Variants in CENPE observed in about 807,000 individuals in gnomAD.
CENPE encodes centromere protein E.
Under a neutral mutation model 336.1 loss-of-function variants are expected in CENPE, and 145 were observed. The ratio of observed to expected loss-of-function variants is 0.43; its 90% CI spans 0.38 to 0.50. CENPE has a LOEUF of 0.50. Among genes scored for constraint, CENPE ranks in the 20% least tolerant of loss-of-function variants. CENPE has a pLI of 0.00. For missense variants in CENPE, 2,719 were observed against 3,023.3 expected (o/e 0.90, Z 2.36); for synonymous variants, 1,013 against 984.8 (o/e 1.03, Z -0.54).
chr4:103,109,101 G>C lies in CENPE; in HGVS notation c.7725-12C>G, dbSNP rs750112980. On this transcript the variant is annotated splice_polypyrimidine_tract_variant and intron_variant, in intron 47 of 48. Coordinates refer to ENST00000265148, the MANE Select transcript of CENPE (RefSeq NM_001813.3). ...GATGCTGATTATTGCTTAAATGTGGGGGAAGAAAAGAGAGACTGTAAGACT... is the reference window on the plus strand; with the variant it reads ...GATGCTGATTATTGCTTAAATGTGGCGGAAGAAAAGAGAGACTGTAAGACT... 6.3e-7 allele frequency: 1 copy of C among 1,592,590 alleles called. No homozygotes were observed. The highest frequency in any genetic ancestry group is 2.2e-5 in the East Asian group (1 of 44,634).
chr4:103,146,191 A>C (rs1206660055), intron 29 of CENPE, 84 bp from the exon 30 acceptor site: 1 of 1,282,922 alleles, frequency 7.8e-7, no homozygotes, highest in Non-Finnish European at 1.1e-6. Context: ...TTTCTAAAAC[A>C]ATTAAGGCAG....
rs937662475 is a variant in CENPE at position 103,181,376 on chromosome 4, A to G, written c.1044T>C (p.Tyr348=). ...TTTTAAGATCCATTATTTCTTTTCTATACCTTTTCAGGAGAGCTTCATCAG... is the reference window on the plus strand; with the variant it reads ...TTTTAAGATCCATTATTTCTTTTCTGTACCTTTTCAGGAGAGCTTCATCAG... ...VSTDEALLKR[Y]RKEIMDLKKQ... Residue 348 remains tyrosine (Y), a synonymous_variant, in exon 12 of 49, where the codon TAT becomes TAC. Transcript: ENST00000265148. 2 of 1,556,780 alleles carry G rather than the reference A, an allele frequency of 1.3e-6. No individual in the cohort carries two copies. Among genetic ancestry groups the G allele is most frequent in the Middle Eastern group, 1.7e-4 (1 of 5,914 alleles).
intron 16 of CENPE, among the ~76,000 whole-genome samples, chr4:103,164,699 C>A (rs1439296688): frequency 6.6e-6 from 1 of 151,954 alleles, no homozygotes; most frequent in African/African-American, 2.4e-5. Context: ...AAAAAATGAA[C>A]AATTTTACAT....
In CENPE at chr4:103,170,153, G is replaced by C. The variant is rs1165405541; in HGVS notation, c.1647+4583C>G. On this transcript the variant is annotated intron_variant, in intron 16 of 48. Coordinates refer to ENST00000265148, the MANE Select transcript of CENPE (RefSeq NM_001813.3). ...TGTTGGGGATTGGGGGCCTAGGGGA[G>C]GGATGGCATTAGGAGAAATACCTAA... Among the ~76,000 whole-genome samples the C allele has an allele frequency of 2.6e-5, 4 of 152,162 alleles. No individual in the cohort carries two copies. The South Asian group carries it at 8.3e-4, about 32-fold the overall frequency.
At chr4:103,160,829 A>G in intron 20 of CENPE, 50 bp from the exon 21 acceptor site, 2 of 1,452,830 alleles carry the variant, frequency 1.4e-6, no homozygotes, top group Non-Finnish European at 1.9e-6. Flanking sequence ...CCAAACAGGT[A>G]ATTTAATTTT....
At chr4:103,114,915 G>A (rs1749945977) in intron 45 of CENPE, among the ~76,000 whole-genome samples, 1 of 152,196 alleles carries the variant, frequency 6.6e-6, no homozygotes, top group South Asian at 2.1e-4. Context: ...GAAAGAGAAA[G>A]TGCAGCTTTA....
At chr4:103,133,400 G>A (rs1751783200) in intron 41 of CENPE, among the ~76,000 whole-genome samples, 1 of 152,122 alleles carries the variant, frequency 6.6e-6, no homozygotes, top group South Asian at 2.1e-4. Flanking sequence ...TTACATACAT[G>A]TTGGGAATTG....
rs761524653 is a variant in CENPE at position 103,132,657 on chromosome 4, C to T, written c.6924+36G>A. 2.7e-6 allele frequency: 3 copies of T among 1,107,944 alleles called. No individual in the cohort carries two copies. In the South Asian group the frequency reaches 4.9e-5, roughly 18 times the overall value. 68.6% of individuals were successfully genotyped at this position (1,107,944 alleles called of 1,614,324 possible). A position where few individuals can be genotyped will look rare whatever the true frequency, so the allele number is the denominator to read the frequency against. On this transcript the variant is annotated intron_variant, in intron 42 of 48. Coordinates refer to ENST00000265148, the MANE Select transcript of CENPE (RefSeq NM_001813.3). ...GAGGTAGGACAATTAAAGCAAACAG[C>T]AACAAAAAAGTAGTACAGCAAAAAG...
intron 15 of CENPE, 40 bp from the exon 16 acceptor site, chr4:103,174,943 A>G: frequency 8.0e-7 from 1 of 1,244,438 alleles, no homozygotes; most frequent in Non-Finnish European, 1.1e-6. Context: ...CAGAAAATTC[A>G]AATATTTTTT....
At chr4:103,179,330 T>C (rs1756139309) in intron 13 of CENPE, among the ~76,000 whole-genome samples, 1 of 152,216 alleles carries the variant, frequency 6.6e-6, no homozygotes, top group East Asian at 1.9e-4. Context: ...TTCTTTGTTG[T>C]TAGCAAAACA....
chr4:103,192,599 A>G lies in CENPE; in HGVS notation c.693+1630T>C, dbSNP rs189580387. On this transcript the variant is annotated intron_variant, in intron 8 of 48. Coordinates refer to ENST00000265148, the MANE Select transcript of CENPE (RefSeq NM_001813.3). Reference sequence around the variant, plus strand: ...TGTTTAAAGGTAGGATCAGTAAGAAATGGGACAAGTGGACAAAGAGAAAGG... The same window carrying G: ...TGTTTAAAGGTAGGATCAGTAAGAAGTGGGACAAGTGGACAAAGAGAAAGG... 2.6e-3 allele frequency among the ~76,000 whole-genome samples: 396 copies of G among 152,328 alleles called. 6 individuals are homozygous for G. The highest frequency in any genetic ancestry group is 3.4e-3 in the Middle Eastern group (1 of 294).
Position 103,125,430 on chromosome 4 carries a change from T to A in CENPE, c.6925-2341A>T, listed in dbSNP as rs192498806. Among the ~76,000 whole-genome samples the A allele has an allele frequency of 4.0e-3, 603 of 152,284 alleles. 3 individuals are homozygous for A. The highest frequency in any genetic ancestry group is 6.3e-3 in the Non-Finnish European group (427 of 68,006). ...ACCCACCAAATACCAATCACTGAAATGTAAAACAAGTTAACAAACTGGTCT... is the reference window on the plus strand; with the variant it reads ...ACCCACCAAATACCAATCACTGAAAAGTAAAACAAGTTAACAAACTGGTCT... On this transcript the variant is annotated intron_variant, in intron 42 of 48. Coordinates refer to ENST00000265148, the MANE Select transcript of CENPE (RefSeq NM_001813.3).
intron 16 of CENPE, among the ~76,000 whole-genome samples, chr4:103,170,007 A>T (rs1046435933): frequency 6.6e-6 from 1 of 152,142 alleles, no homozygotes; most frequent in Non-Finnish European, 1.5e-5. Flanking sequence ...GCTAGAAACC[A>T]TCATTCTCAG....
chr4:103,106,154 T>C lies in CENPE; in HGVS notation c.*68A>G. On this transcript the variant is annotated 3_prime_UTR_variant, in exon 49 of 49. Transcript: ENST00000265148. The stretch of plus-strand genomic sequence containing the variant: ...TGCACTACAACATCATTACCAGGGA[T>C]AGACACATAAACAAAGTCATTTCCA... 1 of 1,039,352 alleles carries C rather than the reference T, an allele frequency of 9.6e-7. No homozygotes were observed. Among genetic ancestry groups the C allele is most frequent in the Non-Finnish European group, 1.4e-6 (1 of 718,288 alleles). 64.4% of individuals were successfully genotyped at this position (1,039,352 alleles called of 1,614,324 possible). A position where few individuals can be genotyped will look rare whatever the true frequency, so the allele number is the denominator to read the frequency against.
At chr4:103,196,880 C>T in intron 1 of CENPE, 30 bp from the exon 2 acceptor site, 1 of 1,114,082 alleles carries the variant, frequency 9.0e-7, no homozygotes, top group Non-Finnish European at 1.4e-6. Context: ...GCATTTTAAC[C>T]AGTCATAAAA....
At chr4:103,162,207 C>T (rs1437920448) in intron 18 of CENPE, among the ~76,000 whole-genome samples, 2 of 151,106 alleles carry the variant, frequency 1.3e-5, no homozygotes, top group African/African-American at 4.9e-5. Context: ...TCATTTGTCA[C>T]AAATAAAAGG....
intron 30 of CENPE, 49 bp from the exon 31 acceptor site, chr4:103,145,730 A>G (rs1300273222): frequency 1.3e-6 from 2 of 1,515,548 alleles, no homozygotes; most frequent in African/African-American, 1.4e-5. Context: ...CATTATAACT[A>G]TTTTGTTGTA....
chr4:103,187,273 T>C (rs1175613823), intron 8 of CENPE, among the ~76,000 whole-genome samples: 2 of 152,016 alleles, frequency 1.3e-5, no homozygotes, highest in African/African-American at 2.4e-5. Flanking sequence ...CATTACGTTT[T>C]ATCAAATTCA....
chr4:103,144,626 A>T lies in CENPE; in HGVS notation c.4858-8T>A. 6.3e-7 allele frequency: 1 copy of T among 1,586,384 alleles called. No homozygotes were observed. Among genetic ancestry groups the T allele is most frequent in the Non-Finnish European group, 8.6e-7 (1 of 1,166,260 alleles). On this transcript the variant is annotated splice_polypyrimidine_tract_variant and splice_region_variant and intron_variant, in intron 32 of 48. Transcript: ENST00000265148. ...TTCTTGAGATTCTTTCATCTGAGAAAATTATAAAGTAAGTTACAACATAGG... is the reference window on the plus strand; with the variant it reads ...TTCTTGAGATTCTTTCATCTGAGAATATTATAAAGTAAGTTACAACATAGG...
Sources: allele counts gnomAD v4.1 joint callset (sites outside exome capture counted in the v4.1 genomes callset), GRCh38; gene constraint gnomAD v4.1.1; transcripts MANE v1.5; gene names NCBI Gene and HGNC (gene_info 2026-07-23, HGNC 2026-07-21).